Variants in PAGE2B observed in about 807,000 individuals in gnomAD.
The protein encoded by PAGE2B is PAGE family member 2B.
In PAGE2B, 5 loss-of-function variants were observed where a neutral mutation model predicts 7.6. The ratio of observed to expected loss-of-function variants is 0.66; its 90% confidence interval spans 0.34 to 1.38. The LOEUF (loss-of-function observed/expected upper bound fraction) is 1.38. Among genes scored for constraint, PAGE2B ranks in the 40% most tolerant of loss-of-function variants. The probability of loss-of-function intolerance (pLI) is 0.04; values close to 1 mark genes in which losing one functional copy is unlikely to be tolerated. For missense variants in PAGE2B, 70 were observed against 78.4 expected (o/e 0.89, Z 0.41); for synonymous variants, 29 against 26.7 (o/e 1.09, Z -0.27).
Position 55,075,126 on chromosome X carries a change from G to T in PAGE2B, c.-9+12G>T, listed in dbSNP as rs761269736. On this transcript the variant is annotated intron_variant, in intron 1 of 4. Coordinates refer to ENST00000374971, the MANE Select transcript of PAGE2B (RefSeq NM_001015038.3). ...CCGAGACTCAGCCGGTAGGTCCGCA[G>T]AGCGGTCTTCCTGGGAATTTAGTTG... is the stretch of plus-strand genomic sequence containing the variant. The T allele has an allele frequency of 2.1e-3, 250 of 117,048 alleles. 1 individual carries two copies. The highest frequency in any genetic ancestry group is 2.7e-3 in the Non-Finnish European group (153 of 55,814). The allele number at this position is 117,048 out of a possible 1,213,427, so 9.6% of individuals were successfully genotyped here.
upstream of PAGE2B, among the ~76,000 whole-genome samples, chrX:55,070,963 C>A (rs1222264686): frequency 2.7e-5 from 3 of 111,363 alleles, no homozygotes; most frequent in African/African-American, 9.8e-5. Context: ...ACACAGCACA[C>A]TGATGGGTCT....
the PAGE2B span, among the ~76,000 whole-genome samples, chrX:55,028,552 C>T: frequency 9.0e-6 from 1 of 111,640 alleles, no homozygotes; most frequent in South Asian, 3.8e-4. Context: ...GAAATTAACA[C>T]ACATCATTAC....
At chrX:55,049,586 A>T in the PAGE2B span, among the ~76,000 whole-genome samples, 1 of 111,298 alleles carries the variant, frequency 9.0e-6, no homozygotes, top group Non-Finnish European at 1.9e-5. Flanking sequence ...TTTCTAGTTT[A>T]TTTGCCTAGA....
upstream of PAGE2B, among the ~76,000 whole-genome samples, chrX:55,070,946 C>T (rs868471199): frequency 3.5e-4 from 39 of 111,209 alleles, no homozygotes; most frequent in Middle Eastern, 4.6e-3. Context: ...TGAGATGGGT[C>T]TCCTGAACAC....
chrX:55,070,605 C>T (rs914607354), upstream of PAGE2B, among the ~76,000 whole-genome samples: 2 of 111,171 alleles, frequency 1.8e-5, no homozygotes, highest in African/African-American at 3.3e-5. Context: ...TTTCTGTCTC[C>T]TTGATCTGTC....
chrX:55,067,725 G>C, the PAGE2B span, among the ~76,000 whole-genome samples: 2 of 111,681 alleles, frequency 1.8e-5, no homozygotes, highest in Admixed American at 1.9e-4. Context: ...GTTGTTTCTT[G>C]AGTTTTTAAT....
chrX:55,076,830 G>A (rs1371665706), intron 3 of PAGE2B, among the ~76,000 whole-genome samples, 153 bp downstream of exon 3: 1 of 111,629 alleles, frequency 9.0e-6, no homozygotes, highest in Non-Finnish European at 1.9e-5. Flanking sequence ...GGACAAGGAC[G>A]CATAAAAAGC....
At chrX:55,037,740 A>G in the PAGE2B span, among the ~76,000 whole-genome samples, 2 of 110,163 alleles carry the variant, frequency 1.8e-5, no homozygotes, top group East Asian at 5.7e-4. Context: ...GGATGAGTTC[A>G]TTTCTTTGTA....
the PAGE2B span, among the ~76,000 whole-genome samples, chrX:55,046,152 C>T: frequency 3.6e-5 from 4 of 111,261 alleles, no homozygotes; most frequent in Admixed American, 3.8e-4. Flanking sequence ...CTCATACTGT[C>T]GCCTGGGCTG....
At chrX:55,042,262 C>T in the PAGE2B span, among the ~76,000 whole-genome samples, 7 of 111,056 alleles carry the variant, frequency 6.3e-5, no homozygotes, top group Non-Finnish European at 1.1e-4. Flanking sequence ...ACACCAACAG[C>T]GACCAAGCTG....
At chrX:55,032,271 A>G in the PAGE2B span, among the ~76,000 whole-genome samples, 1 of 112,166 alleles carries the variant, frequency 8.9e-6, no homozygotes, top group Non-Finnish European at 1.9e-5. Context: ...GTAAATGTGT[A>G]TCTATTTTCT....
At chrX:55,036,370 T>C in the PAGE2B span, among the ~76,000 whole-genome samples, 2 of 111,264 alleles carry the variant, frequency 1.8e-5, no homozygotes, top group Non-Finnish European at 3.8e-5. Context: ...GGCATCCCTG[T>C]CTTGTGCCAG....
chrX:55,036,921 C>A, the PAGE2B span, among the ~76,000 whole-genome samples: 102 of 109,186 alleles, frequency 9.3e-4, no homozygotes, highest in African/African-American at 3.3e-3. Context: ...TAAAGACTTA[C>A]ATGTTAGACC....
chrX:55,049,397 G>A, the PAGE2B span, among the ~76,000 whole-genome samples: 1 of 111,635 alleles, frequency 9.0e-6, no homozygotes, highest in Admixed American at 9.5e-5. Flanking sequence ...GCTCCTCCTT[G>A]TACCTCTGGT....
the PAGE2B span, among the ~76,000 whole-genome samples, chrX:55,063,848 T>A: frequency 1.8e-5 from 2 of 111,555 alleles, no homozygotes; most frequent in African/African-American, 3.2e-5. Context: ...TTGATATGAT[T>A]TATCACATTA....
chrX:55,072,609 T>C (rs1040806974), upstream of PAGE2B, among the ~76,000 whole-genome samples: 2 of 112,416 alleles, frequency 1.8e-5, no homozygotes, highest in Non-Finnish European at 3.8e-5. Context: ...CTTGTCAGGA[T>C]CTATCCTCTC....
chrX:55,072,984 G>A (rs1403977996), upstream of PAGE2B, among the ~76,000 whole-genome samples: 3 of 111,711 alleles, frequency 2.7e-5, no homozygotes, highest in Non-Finnish European at 5.6e-5. Flanking sequence ...TCAAGCCAGT[G>A]CTTCTTAGCT....
the PAGE2B span, among the ~76,000 whole-genome samples, chrX:55,064,938 G>A: frequency 1.4e-4 from 15 of 111,039 alleles, no homozygotes; most frequent in Non-Finnish European, 2.6e-4. Context: ...AATTTTTTGC[G>A]TGTTTGAAGA....
chrX:55,061,203 A>G, the PAGE2B span, among the ~76,000 whole-genome samples: 2 of 111,096 alleles, frequency 1.8e-5, no homozygotes, highest in Admixed American at 9.6e-5. Flanking sequence ...GATTTCTTTT[A>G]AAATAGTGAT....
Sources: allele counts gnomAD v4.1 joint callset (sites outside exome capture counted in the v4.1 genomes callset), GRCh38; gene constraint gnomAD v4.1.1; transcripts MANE v1.5; gene names NCBI Gene and HGNC (gene_info 2026-07-23, HGNC 2026-07-21).